The following SDHA variants were observed in gnomAD, a reference collection of about 807,000 sequenced individuals.
The protein encoded by SDHA is succinate dehydrogenase [ubiquinone] flavoprotein subunit, mitochondrial.
Under a neutral mutation model 78.4 loss-of-function variants are expected in SDHA, and 48 were observed. That is an observed-to-expected ratio of 0.61 (90% CI 0.49 to 0.78). The LOEUF is 0.78. Ranked by LOEUF, SDHA falls within the 30% of genes least tolerant of loss-of-function variation. The pLI, the probability that SDHA is intolerant of heterozygous loss-of-function variation, is 0.00. For synonymous variants in SDHA, 326 were observed against 353.9 expected (o/e 0.92, Z 0.88); for missense variants, 680 against 892.7 (o/e 0.76, Z 3.04).
chr5:234,807 C>G, intron 8 of SDHA: 3 of 360,562 alleles, frequency 8.3e-6, no homozygotes, highest in Non-Finnish European at 1.6e-5. Context: ...TGGACCCAAC[C>G]TGCCACGGAT....
At chr5:264,723 A>C in the SDHA span, among the ~76,000 whole-genome samples, 1 of 152,230 alleles carries the variant, frequency 6.6e-6, no homozygotes, top group African/African-American at 2.4e-5. Context: ...TTCGTGTGTC[A>C]TCAGAGCATC....
chr5:264,802 A>G, the SDHA span, among the ~76,000 whole-genome samples: 7 of 152,234 alleles, frequency 4.6e-5, no homozygotes, highest in Non-Finnish European at 8.8e-5. Context: ...GAGCCACTGA[A>G]ATCCTAAATT....
At chr5:234,708 A>G in intron 8 of SDHA, 1 of 254,886 alleles carries the variant, frequency 3.9e-6, no homozygotes, top group Non-Finnish European at 7.8e-6. Flanking sequence ...TAAAGTATAG[A>G]GGAGGATGTG....
chr5:226,056 G>T lies in SDHA; in HGVS notation c.621+9G>T. Reference sequence around the variant, plus strand: ...ACACCTTATATGGAAGGGTAAGGCCGCCCCCGTCCACCTGAGACAGGACAC... The same window carrying T: ...ACACCTTATATGGAAGGGTAAGGCCTCCCCCGTCCACCTGAGACAGGACAC... On this transcript the variant is annotated intron_variant, in intron 5 of 14. Coordinates refer to ENST00000264932, the MANE Select transcript of SDHA (RefSeq NM_004168.4). 6.2e-7 allele frequency: 1 copy of T among 1,614,018 alleles called. No homozygotes were observed. The highest frequency in any genetic ancestry group is 8.5e-7 in the Non-Finnish European group (1 of 1,179,952).
At chr5:262,214 CGCCTCCCG>C in the SDHA span, among the ~76,000 whole-genome samples, 22 of 125,328 alleles carry the variant, frequency 1.8e-4, no homozygotes, top group Non-Finnish European at 2.8e-4. Context: ...GTGTGAGCTC[CGCCTCCCG>C]ACAGAGCATT....
downstream of SDHA, among the ~76,000 whole-genome samples, chr5:257,416 A>ACCT (rs1239472707): frequency 8.1e-6 from 1 of 122,942 alleles, no homozygotes; most frequent in Admixed American, 7.7e-5. Flanking sequence ...TTACTCTGTG[A>ACCT]ACACCACCTG....
At chr5:237,521 C>G (rs2126593145) in intron 10 of SDHA, among the ~76,000 whole-genome samples, 1 of 133,906 alleles carries the variant, frequency 7.5e-6, no homozygotes, top group South Asian at 2.2e-4. Context: ...TAGCATCTCT[C>G]CCACCTCCAG....
At chr5:240,974 C>T (rs1255177929) in intron 11 of SDHA, among the ~76,000 whole-genome samples, 1 of 151,840 alleles carries the variant, frequency 6.6e-6, no homozygotes, top group Non-Finnish European at 1.5e-5. Flanking sequence ...ACTAGTGCTG[C>T]GATAAATACA....
At chr5:265,820 C>CAAA in the SDHA span, among the ~76,000 whole-genome samples, 70 of 141,838 alleles carry the variant, frequency 4.9e-4, no homozygotes, top group African/African-American at 1.0e-3. Context: ...GATTCTGTCT[C>CAAA]AAAAAAAAAA....
intron 7 of SDHA, 152 bp downstream of exon 7, chr5:231,152 T>A: frequency 1.0e-6 from 1 of 954,256 alleles, no homozygotes. Context: ...CAACGTCATT[T>A]ACCTAAGGAG....
intron 10 of SDHA, 124 bp from the exon 11 acceptor site, chr5:240,234 A>C: frequency 1.4e-6 from 1 of 693,778 alleles, no homozygotes; most frequent in Non-Finnish European, 2.7e-6. Context: ...GTGTTAGCTC[A>C]GGAGACTTAC....
chr5:254,573 G>A (rs1344626770), intron 14 of SDHA, 67 bp downstream of exon 14: 3 of 1,488,750 alleles, frequency 2.0e-6, no homozygotes, highest in African/African-American at 1.6e-5. Context: ...CTGCGGGCTG[G>A]CCTTGCTGAT....
the SDHA span, among the ~76,000 whole-genome samples, chr5:267,585 A>G: frequency 6.6e-6 from 1 of 152,278 alleles, no homozygotes; most frequent in African/African-American, 2.4e-5. Context: ...CCTCAGGAAC[A>G]CAAGTGCCCA....
intron 2 of SDHA, 126 bp downstream of exon 2, chr5:223,694 T>G (rs1343405836): frequency 5.7e-6 from 4 of 700,448 alleles, no homozygotes; most frequent in Non-Finnish European, 1.1e-5. Flanking sequence ...ATCCAATGCA[T>G]GCTGAAATTA....
chr5:245,422 A>G (rs1342112312), intron 11 of SDHA, among the ~76,000 whole-genome samples: 1 of 152,224 alleles, frequency 6.6e-6, no homozygotes, highest in Non-Finnish European at 1.5e-5. Context: ...GCAGCCTGCT[A>G]AGCGTTTTCA....
rs1737207033 is a variant in SDHA, at chr5:256,527, A to G, written c.*107A>G. The G allele has an allele frequency of 9.6e-6, 10 of 1,037,672 alleles. No homozygotes were observed. In the East Asian group the frequency reaches 2.2e-4, roughly 23 times the overall value. 64.3% of individuals were successfully genotyped at this position (1,037,672 alleles called of 1,614,324 possible). A position where few individuals can be genotyped will look rare whatever the true frequency, so the allele number is the denominator to read the frequency against. On this transcript the variant is annotated 3_prime_UTR_variant, in exon 15 of 15. Transcript: ENST00000264932. ...TTCATACGCTTCTGCACTCTGGGGA[A>G]GAAGGAGTACATTGAAGGGAGATTG... is the stretch of plus-strand genomic sequence containing the variant.
At chr5:224,247 T>G in intron 2 of SDHA, 113 bp from the exon 3 acceptor site, 5 of 1,151,462 alleles carry the variant, frequency 4.3e-6, no homozygotes, top group Non-Finnish European at 6.6e-6. Flanking sequence ...ATGGAGGCCC[T>G]GTGTGCCCAG....
intron 8 of SDHA, 97 bp from the exon 9 acceptor site, chr5:235,047 A>C (rs1735675623): frequency 1.6e-6 from 2 of 1,259,756 alleles, no homozygotes; most frequent in Admixed American, 1.7e-5. Context: ...CTCAGTATCA[A>C]AACATGTTGA....
At chr5:248,910 A>G (rs1968374) in intron 11 of SDHA, 77 of 405,078 alleles carry the variant, frequency 1.9e-4, no homozygotes, top group African/African-American at 1.5e-3. Flanking sequence ...TGGCACCTCA[A>G]CCTCAAATGG....
Sources: allele counts gnomAD v4.1 joint callset (sites outside exome capture counted in the v4.1 genomes callset), GRCh38; gene constraint gnomAD v4.1.1; transcripts MANE v1.5; gene names NCBI Gene and HGNC (gene_info 2026-07-23, HGNC 2026-07-21).